Variants in ZNF629 observed in about 807,000 individuals in gnomAD.
ZNF629 encodes the protein DNA-binding protein.
Under a neutral mutation model 59.7 loss-of-function variants are expected in ZNF629, and 9 were observed. The observed-to-expected ratio is 0.15, with a 90% CI of 0.09 to 0.26. The LOEUF (loss-of-function observed/expected upper bound fraction) is 0.26, where lower values mean the gene tolerates loss of function less well. Ranked by LOEUF, ZNF629 falls within the 10% of genes least tolerant of loss-of-function variation. ZNF629 has a pLI of 1.00. For synonymous variants in ZNF629, 509 were observed against 498.9 expected (o/e 1.02, Z -0.27); for missense variants, 853 against 1,165.4 (o/e 0.73, Z 3.90).
rs2054275047 is a variant in ZNF629, at chr16:30,780,997, C to CT, written c.*720_*721insA. 1 of 151,952 alleles carries CT rather than the reference C, an allele frequency of 6.6e-6. No homozygotes were observed. Among genetic ancestry groups the CT allele is most frequent in the African/African-American group, 2.4e-5 (1 of 41,318 alleles). The allele number at this position is 151,952 out of a possible 1,614,324, so 9.4% of individuals were successfully genotyped here. On this transcript the variant is annotated 3_prime_UTR_variant, in exon 3 of 3. Coordinates refer to ENST00000262525, the MANE Select transcript of ZNF629 (RefSeq NM_001080417.3). Reference sequence around the variant, plus strand: ...CATTTTGGGGTTTTGATAAGGGATTCCATAGGCCTCTTTCCCTAAAACACA... The same window carrying CT: ...CATTTTGGGGTTTTGATAAGGGATTCTCATAGGCCTCTTTCCCTAAAACACA...
At position 30,780,886 on chromosome 16, in the gene ZNF629, G is replaced by T. The variant is rs1365828154; in HGVS notation, c.*832C>A. On this transcript the variant is annotated 3_prime_UTR_variant, in exon 3 of 3. Coordinates refer to ENST00000262525, the MANE Select transcript of ZNF629 (RefSeq NM_001080417.3). Reference sequence around the variant, plus strand: ...CCTGCTTCCCCCTAATTTTTGTGGTGGTTTCTCAGTATTCTTATACTGACC... The same window carrying T: ...CCTGCTTCCCCCTAATTTTTGTGGTTGTTTCTCAGTATTCTTATACTGACC... 6.6e-6 allele frequency: 1 copy of T among 152,058 alleles called. No individual in the cohort carries two copies. The highest frequency in any genetic ancestry group is 2.4e-5 in the African/African-American group (1 of 41,390). 9.4% of individuals were successfully genotyped at this position (152,058 alleles called of 1,614,324 possible).
Position 30,783,566 on chromosome 16 carries a change from T to C in ZNF629, c.762A>G (p.Arg254=). 6.2e-7 allele frequency: 1 copy of C among 1,608,768 alleles called. No homozygotes were observed. The highest frequency in any genetic ancestry group is 1.1e-5 in the South Asian group (1 of 90,846). ...TGTAGGGCTTCTCGCCGGTGTGGGA[T>C]CGCTGGTGCTTGATGAGGTTGGTGC... ...TQSTNLIKHQ[R]SHTGEKPYKC... is the part of the protein sequence containing the mutation. The change falls in exon 3 of 3, where the codon CGA becomes CGG. Residue 254 remains arginine, a synonymous_variant. Transcript: ENST00000262525.
At position 30,782,624 on chromosome 16, in the gene ZNF629, C is replaced by T. The variant is rs201706071; in HGVS notation, c.1704G>A (p.Pro568=). 2.5e-5 allele frequency: 39 copies of T among 1,569,988 alleles called. No homozygotes were observed. In the East Asian group the frequency reaches 6.2e-4, roughly 25 times the overall value. Residue 568 remains proline (P), a synonymous_variant, in exon 3 of 3, where the codon CCG becomes CCA. Transcript: ENST00000262525. ...SLLTPPPGAK[P]HKCLVCGKGF... Reference sequence around the variant, plus strand: ...CCTTTCCGCACACGAGACACTTGTGCGGCTTGGCTCCCGGCGGCGGGGTCA... The same window carrying T: ...CCTTTCCGCACACGAGACACTTGTGTGGCTTGGCTCCCGGCGGCGGGGTCA...
In ZNF629 at chr16:30,783,629, G is replaced by A; in HGVS notation, c.699C>T (p.Pro233=). The part of the protein sequence containing the change: ...QHQRTHTGEK[P]YKCTECEKAF... The stretch of plus-strand genomic sequence containing the variant: ...CTTTCTCGCACTCCGTGCACTTGTA[G>A]GGCTTCTCTCCCGTGTGCGTGCGCT... Residue 233 remains proline, a synonymous_variant, in exon 3 of 3, where the codon CCC becomes CCT. Transcript: ENST00000262525. 1 of 1,613,882 alleles carries A rather than the reference G, an allele frequency of 6.2e-7. No individual in the cohort carries two copies. Among genetic ancestry groups the A allele is most frequent in the East Asian group, 2.2e-5 (1 of 44,830 alleles).
chr16:30,784,448 A>G lies in ZNF629; in HGVS notation c.35T>C (p.Leu12Pro), dbSNP rs1206062036. 1.3e-6 allele frequency: 2 copies of G among 1,565,040 alleles called. No homozygotes were observed. The highest frequency in any genetic ancestry group is 1.9e-5 in the Admixed American group (1 of 53,796). The change falls in exon 2 of 3, where the codon CTG becomes CCG. Residue 12 changes from leucine to proline, a missense_variant. Leu to Pro is a moderately conservative substitution (Grantham distance 98). This residue lies in a region of ZNF629 where 232 missense variants were observed against 193.4 expected (regional missense o/e 1.20). Coordinates refer to ENST00000262525, the MANE Select transcript of ZNF629 (RefSeq NM_001080417.3). ...GTTGGGGCTCTGTTCCGGACCCTGCAGATCCGGGCCCCACAGCGCAGTCTC... is the reference window on the plus strand; with the variant it reads ...GTTGGGGCTCTGTTCCGGACCCTGCGGATCCGGGCCCCACAGCGCAGTCTC... The part of the protein sequence containing the change: ...EPETALWGPD[L>P]QGPEQSPNDA...
rs1349529670 is a variant in ZNF629, at chr16:30,779,650, CTTT to C, written c.*2065_*2067del. The C allele has an allele frequency of 6.6e-6, 1 of 152,142 alleles. No individual in the cohort carries two copies. Among genetic ancestry groups the C allele is most frequent in the Non-Finnish European group, 1.5e-5 (1 of 68,032 alleles). 9.4% of individuals were successfully genotyped at this position (152,142 alleles called of 1,614,324 possible). A position where few individuals can be genotyped will look rare whatever the true frequency, so the allele number is the denominator to read the frequency against. ...TCCCACAATGTTTGAGATTTTGATC[CTTT>C]TAAATGTGAGGGTCATCCTGCTGGG... is the stretch of plus-strand genomic sequence containing the variant. On this transcript the variant is annotated 3_prime_UTR_variant, in exon 3 of 3. Transcript: ENST00000262525.
intron 1 of ZNF629, among the ~76,000 whole-genome samples, chr16:30,784,847 T>C (rs1243441310): frequency 6.6e-6 from 1 of 152,094 alleles, no homozygotes; most frequent in East Asian, 1.9e-4. Context: ...ACCCCATACC[T>C]CTGATGCCCA....
chr16:30,782,515 C>T lies in ZNF629; in HGVS notation c.1813G>A (p.Ala605Thr), dbSNP rs1163317884. 6.4e-7 allele frequency: 1 copy of T among 1,563,592 alleles called. No individual in the cohort carries two copies. The highest frequency in any genetic ancestry group is 8.7e-7 in the Non-Finnish European group (1 of 1,153,340). The change falls in exon 3 of 3, where the codon GCA becomes ACA. Residue 605 changes from alanine (A) to threonine (T), a missense_variant. Physicochemically the swap from Ala to Thr is moderately conservative, Grantham distance 58. Transcript: ENST00000262525. ...NPYKNADGLI[A>T]HAAPKPPQLR... is the part of the protein sequence containing the mutation. ...TGAGGAGGTTTGGGGGCTGCGTGTG[C>T]GATGAGGCCGTCTGCATTTTTGTAG... is the stretch of plus-strand genomic sequence containing the variant.
In ZNF629 at chr16:30,782,470, G is replaced by C. The variant is rs1263513133; in HGVS notation, c.1858C>G (p.Pro620Ala). 42 of 1,567,338 alleles carry C rather than the reference G, an allele frequency of 2.7e-5. No homozygotes were observed. Among genetic ancestry groups the C allele is most frequent in the Non-Finnish European group, 3.0e-5 (35 of 1,155,614 alleles). The change falls in exon 3 of 3, where the codon CCT (proline) becomes GCT (alanine). Residue 620 changes from proline (P) to alanine (A), a missense_variant. Physicochemically the swap from Pro to Ala is conservative, Grantham distance 27 (BLOSUM62 -1). Coordinates refer to ENST00000262525, the MANE Select transcript of ZNF629 (RefSeq NM_001080417.3). ...KPPQLRSPRL[P>A]FRGNSYPGAA... ...CCGGGGTAGGAATTCCCTCTGAAAG[G>C]GAGCCTTGGGGATCGTAACTGAGGA...
At position 30,786,676 on chromosome 16, in the gene ZNF629, G is replaced by A. The variant is rs2054335399; in HGVS notation, c.-34+352C>T. Reference sequence around the variant, plus strand: ...CCCCCGGAGCCGCGACCCCCGTCCCGCTGCTGATACAGAGCCTGGGCATCC... The same window carrying A: ...CCCCCGGAGCCGCGACCCCCGTCCCACTGCTGATACAGAGCCTGGGCATCC... On this transcript the variant is annotated intron_variant, in intron 1 of 2. Coordinates refer to ENST00000262525, the MANE Select transcript of ZNF629 (RefSeq NM_001080417.3). The surrounding 1 kb of genome is among the most constrained non-coding windows in gnomAD (Gnocchi z 4.8). 8.8e-6 allele frequency among the ~76,000 whole-genome samples: 1 copy of A among 113,370 alleles called. No individual in the cohort carries two copies. Among genetic ancestry groups the A allele is most frequent in the South Asian group, 2.9e-4 (1 of 3,482 alleles). 74.4% of individuals were successfully genotyped at this position (113,370 alleles called of 152,430 possible). A position where few individuals can be genotyped will look rare whatever the true frequency, so the allele number is the denominator to read the frequency against.
Position 30,782,100 on chromosome 16 carries a change from T to A in ZNF629, c.2228A>T (p.Gln743Leu), listed in dbSNP as rs1218814669. The change falls in exon 3 of 3, where the codon CAG (glutamine) becomes CTG (leucine). Residue 743 changes from glutamine to leucine, a missense_variant. By Grantham distance (113) the Gln-to-Leu change is moderately radical. This residue lies in a region of ZNF629 where 420 missense variants were observed against 435.6 expected (regional missense o/e 0.96). Coordinates refer to ENST00000262525, the MANE Select transcript of ZNF629 (RefSeq NM_001080417.3). Reference protein sequence around the residue: ...QKVHAGGKSSQKSPELGKSSS... With the variant: ...QKVHAGGKSSLKSPELGKSSS... Reference sequence around the variant, plus strand: ...GCTCTTCCCCAGCTCTGGACTCTTCTGGGAGCTCTTCCCGCCTGCATGGAC... The same window carrying A: ...GCTCTTCCCCAGCTCTGGACTCTTCAGGGAGCTCTTCCCGCCTGCATGGAC... The A allele has an allele frequency of 6.2e-7, 1 of 1,602,420 alleles. No individual in the cohort carries two copies. Among genetic ancestry groups the A allele is most frequent in the South Asian group, 1.1e-5 (1 of 89,610 alleles).
At chr16:30,785,891 T>TAAATAAATAAATAAATAAAA (rs1034349260) in intron 1 of ZNF629, among the ~76,000 whole-genome samples, 8 of 150,082 alleles carry the variant, frequency 5.3e-5, no homozygotes, top group African/African-American at 1.9e-4. Context: ...AATAAATAAA[T>TAAATAAATAAATAAATAAAA]AAAAACAGCC....
At position 30,784,400 on chromosome 16, in the gene ZNF629, T is replaced by C; in HGVS notation, c.73+10A>G. On this transcript the variant is annotated intron_variant, in intron 2 of 2. Coordinates refer to ENST00000262525, the MANE Select transcript of ZNF629 (RefSeq NM_001080417.3). Reference sequence around the variant, plus strand: ...TTGCCGGGACCGCAGCCCCTTCTTGTGCCCCTCACCTCTGTGAGCATCGTT... The same window carrying C: ...TTGCCGGGACCGCAGCCCCTTCTTGCGCCCCTCACCTCTGTGAGCATCGTT... 1 of 1,563,266 alleles carries C rather than the reference T, an allele frequency of 6.4e-7. No homozygotes were observed. Among genetic ancestry groups the C allele is most frequent in the East Asian group, 2.4e-5 (1 of 42,198 alleles).
chr16:30,784,441 A>G lies in ZNF629; in HGVS notation c.42T>C (p.Gly14=). The G allele has an allele frequency of 6.4e-7, 1 of 1,566,540 alleles. No individual in the cohort carries two copies. The highest frequency in any genetic ancestry group is 2.4e-5 in the East Asian group (1 of 42,290). Residue 14 remains glycine (G), a synonymous_variant, in exon 2 of 3, where the codon GGT becomes GGC. Transcript: ENST00000262525. ...ETALWGPDLQ[G]PEQSPNDAHR... ...GAGCATCGTTGGGGCTCTGTTCCGG[A>G]CCCTGCAGATCCGGGCCCCACAGCG...
chr16:30,782,029 G>C lies in ZNF629; in HGVS notation c.2299C>G (p.Pro767Ala). The change falls in exon 3 of 3, where the codon CCC becomes GCC. Residue 767 changes from proline to alanine, a missense_variant. By Grantham distance (27) the Pro-to-Ala change is conservative. This residue lies in a region of ZNF629 where 420 missense variants were observed against 435.6 expected (regional missense o/e 0.96). Coordinates refer to ENST00000262525, the MANE Select transcript of ZNF629 (RefSeq NM_001080417.3). Reference sequence around the variant, plus strand: ...GCCCTGCAATCTGAGCAGCGGTAGGGTCTGGCCCCCAGGGGGCTCCTGAGA... The same window carrying C: ...GCCCTGCAATCTGAGCAGCGGTAGGCTCTGGCCCCCAGGGGGCTCCTGAGA... The part of the protein sequence containing the change: ...EHLRSPLGAR[P>A]YRCSDCRASF... 6.3e-7 allele frequency: 1 copy of C among 1,575,986 alleles called. No homozygotes were observed. Among genetic ancestry groups the C allele is most frequent in the Admixed American group, 1.8e-5 (1 of 54,398 alleles).
At position 30,786,750 on chromosome 16, in the gene ZNF629, C is replaced by A. The variant is rs1241822007; in HGVS notation, c.-34+278G>T. ...CCCGGCTCCTTCCAGCACTGCCAGG[C>A]TCCTCCAGGGCTGCGCTGGCAGCGC... On this transcript the variant is annotated intron_variant, in intron 1 of 2. Coordinates refer to ENST00000262525, the MANE Select transcript of ZNF629 (RefSeq NM_001080417.3). This position sits in a 1 kb window ranked among gnomAD's most constrained non-coding sequence, Gnocchi z 4.8. Among the ~76,000 whole-genome samples, 1 of 151,736 alleles carries A rather than the reference C, an allele frequency of 6.6e-6. No homozygotes were observed. The highest frequency in any genetic ancestry group is 1.5e-5 in the Non-Finnish European group (1 of 67,954).
In ZNF629 at chr16:30,781,820, T is replaced by C. The variant is rs1266685141; in HGVS notation, c.2508A>G (p.Leu836=). 6.2e-7 allele frequency: 1 copy of C among 1,606,936 alleles called. No homozygotes were observed. The highest frequency in any genetic ancestry group is 1.7e-4 in the Middle Eastern group (1 of 6,026). The change falls in exon 3 of 3, where the codon CTA becomes CTG. Residue 836 remains leucine, a synonymous_variant. Transcript: ENST00000262525. ...GGCACAGATAGGGCTTTTCTTCCAC[T>C]AGGGTTTTGGGGTTTTGCCCTTCCC... ...SHGEGQNPKT[L]VEEKPYLCPE... is the part of the protein sequence containing the mutation.
rs1443480759 is a variant in ZNF629 at position 30,780,627 on chromosome 16, C to T, written c.*1091G>A. On this transcript the variant is annotated 3_prime_UTR_variant, in exon 3 of 3. Transcript: ENST00000262525. The stretch of plus-strand genomic sequence containing the variant: ...TGAGACCTGAGAATGTGGTGGGAGG[C>T]AACCGCCATCCCTGGAGGCCTTGCA... The T allele has an allele frequency of 6.6e-6, 1 of 152,540 alleles. No homozygotes were observed. The highest frequency in any genetic ancestry group is 6.5e-5 in the Admixed American group (1 of 15,276). 9.4% of individuals were successfully genotyped at this position (152,540 alleles called of 1,614,324 possible). A position where few individuals can be genotyped will look rare whatever the true frequency, so the allele number is the denominator to read the frequency against.
Position 30,780,987 on chromosome 16 carries a change from A to G in ZNF629, c.*731T>C, listed in dbSNP as rs1217530950. ...TTTTCTTCCCCATTTTGGGGTTTTG[A>G]TAAGGGATTCCATAGGCCTCTTTCC... On this transcript the variant is annotated 3_prime_UTR_variant, in exon 3 of 3. Transcript: ENST00000262525. 6.6e-6 allele frequency: 1 copy of G among 151,842 alleles called. No homozygotes were observed. The highest frequency in any genetic ancestry group is 1.5e-5 in the Non-Finnish European group (1 of 67,958). The allele number at this position is 151,842 out of a possible 1,614,324, so 9.4% of individuals were successfully genotyped here.
Sources: gnomAD v4.1 joint callset for allele counts (sites outside exome capture counted in the v4.1 genomes callset) on GRCh38, gnomAD v4.1.1 for gene constraint, gnomAD v4.1.1 regional missense constraint, Gnocchi (gnomAD v3.1) non-coding constraint, MANE v1.5 for transcripts, NCBI Gene and HGNC (gene_info 2026-07-23, HGNC 2026-07-21) for gene names.